VEGFA: variants seen among roughly 807,000 people sequenced by gnomAD.
The protein encoded by VEGFA is vascular endothelial growth factor A, long form.
A neutral mutation model predicts 49.7 loss-of-function variants in VEGFA; 20 were observed. The ratio of observed to expected loss-of-function variants is 0.40; its 90% CI spans 0.28 to 0.58. The LOEUF is 0.58. Ranked by LOEUF, VEGFA falls within the 20% of genes least tolerant of loss-of-function variation. The pLI is 0.40. For synonymous variants in VEGFA, 219 were observed against 223.4 expected, an observed-to-expected ratio of 0.98 and a Z score of 0.18; for missense variants, 505 against 553.5, an observed-to-expected ratio of 0.91 and a Z score of 0.88.
intron 5 of VEGFA, 120 bp from the exon 6 acceptor site, chr6:43,780,612 C>T (rs143187175): frequency 2.4e-5 from 35 of 1,457,016 alleles, no homozygotes; most frequent in Middle Eastern, 4.7e-4. Context: ...ACACTTCCTC[C>T]GGGAAGCGGC....
intron 5 of VEGFA, 68 bp downstream of exon 5, chr6:43,778,986 T>TCTTGGCTCTTGGCC: frequency 6.2e-7 from 1 of 1,604,198 alleles, no homozygotes; most frequent in Non-Finnish European, 8.5e-7. Flanking sequence ...GGCTCTTGGC[T>TCTTGGCTCTTGGCC]ACCTCTGTTG....
Position 43,780,558 on chromosome 6 carries a change from T to C in VEGFA, c.963-174T>C, listed in dbSNP as rs974378200. On this transcript the variant is annotated intron_variant, in intron 5 of 7. Transcript: ENST00000672860. Reference sequence around the variant, plus strand: ...CGAGTGCTTGCTGCCCAGACACGCCTGTGTGCGCCCGCGCATGCCTCCCCA... The same window carrying C: ...CGAGTGCTTGCTGCCCAGACACGCCCGTGTGCGCCCGCGCATGCCTCCCCA... 7 of 834,234 alleles carry C rather than the reference T, an allele frequency of 8.4e-6. No homozygotes were observed. In the East Asian group the frequency reaches 1.9e-4, roughly 22 times the overall value. The allele number at this position is 834,234 out of a possible 1,614,324, so 51.7% of individuals were successfully genotyped here. A position where few individuals can be genotyped will look rare whatever the true frequency, so the allele number is the denominator to read the frequency against.
intron 5 of VEGFA, chr6:43,779,516 G>A (rs1766630364): frequency 5.3e-6 from 2 of 375,650 alleles, no homozygotes; most frequent in African/African-American, 2.1e-5. Flanking sequence ...AAGGTCTGGC[G>A]GCAGTAACCC....
rs1341485473 is a variant in VEGFA, at chr6:43,778,936, T to C, written c.962+18T>C. ...CAAGAAAAGTAAGTGGCCCTGACTT[T>C]AGCACTTCTCCCTCTCCATGGCCGG... On this transcript the variant is annotated intron_variant, in intron 5 of 7. Transcript: ENST00000672860. 1.2e-6 allele frequency: 2 copies of C among 1,614,224 alleles called. No individual in the cohort carries two copies. Among genetic ancestry groups the C allele is most frequent in the South Asian group, 1.1e-5 (1 of 91,088 alleles).
rs114262569 is a variant in VEGFA, at chr6:43,778,466, C to T, written c.862C>T (p.Arg288Trp). 32 of 1,613,964 alleles carry T rather than the reference C, an allele frequency of 2.0e-5. No homozygotes were observed. Among genetic ancestry groups the T allele is most frequent in the African/African-American group, 5.3e-5 (4 of 75,034 alleles). ...CTGCTTCCTTCCTTTCCAGATTATG[C>T]GGATCAAACCTCACCAAGGCCAGCA... Residue 288 changes from arginine to tryptophan, a missense_variant, in exon 4 of 8, where the codon CGG becomes TGG. Transcript: ENST00000672860.
chr6:43,784,706 C>T lies in VEGFA; in HGVS notation c.*144C>T. The T allele has an allele frequency of 4.0e-6, 6 of 1,486,182 alleles. No individual in the cohort carries two copies. The highest frequency in any genetic ancestry group is 5.6e-6 in the Non-Finnish European group (6 of 1,066,862). 92.1% of individuals were successfully genotyped at this position (1,486,182 alleles called of 1,614,324 possible). Reference sequence around the variant, plus strand: ...GACAGAACAGTCCTTAATCCAGAAACCTGAAATGAAGGAAGAGGAGACTCT... The same window carrying T: ...GACAGAACAGTCCTTAATCCAGAAATCTGAAATGAAGGAAGAGGAGACTCT... On this transcript the variant is annotated 3_prime_UTR_variant, in exon 8 of 8. Coordinates refer to ENST00000672860, the MANE Select transcript of VEGFA (RefSeq NM_003376.6).
intron 5 of VEGFA, chr6:43,779,498 T>TG (rs1192300767): frequency 5.4e-6 from 2 of 371,068 alleles, no homozygotes; most frequent in African/African-American, 4.2e-5. Context: ...TAGGATGGGG[T>TG]GGGGGACAAG....
In VEGFA at chr6:43,784,553, G is replaced by A. The variant is rs778358844; in HGVS notation, c.1179G>A (p.Pro393=). 44 of 1,614,098 alleles carry A rather than the reference G, an allele frequency of 2.7e-5. No individual in the cohort carries two copies. The highest frequency in any genetic ancestry group is 8.8e-5 in the South Asian group (8 of 91,080). ...CCATTTCCCTCAGATGTGACAAGCCGAGGCGGTGAGCCGGGCAGGAGGAAG... is the reference window on the plus strand; with the variant it reads ...CCATTTCCCTCAGATGTGACAAGCCAAGGCGGTGAGCCGGGCAGGAGGAAG... The change falls in exon 8 of 8, where the codon CCG becomes CCA. Residue 393 remains proline, a synonymous_variant. Coordinates refer to ENST00000672860, the MANE Select transcript of VEGFA (RefSeq NM_003376.6).
At chr6:43,780,843 C>T in intron 6 of VEGFA, 40 bp downstream of exon 6, 1 of 1,613,732 alleles carries the variant, frequency 6.2e-7, no homozygotes, top group Non-Finnish European at 8.5e-7. Flanking sequence ...CCTGGAGCCT[C>T]CCTGGCCCCC....
At position 43,777,585 on chromosome 6, in the gene VEGFA, C is replaced by T. The variant is rs769625979; in HGVS notation, c.775C>T (p.Pro259Ser). The T allele has an allele frequency of 3.1e-6, 5 of 1,614,110 alleles. No homozygotes were observed. The highest frequency in any genetic ancestry group is 1.7e-5 in the Admixed American group (1 of 60,012). The change falls in exon 3 of 8, where the codon CCC becomes TCC. Residue 259 changes from proline to serine, a missense_variant. By Grantham distance (74) the Pro-to-Ser change is moderately conservative. Transcript: ENST00000672860. This position sits in a 1 kb window ranked among gnomAD's most constrained non-coding sequence, Gnocchi z 4.3. ...GTACATCTTCAAGCCATCCTGTGTGCCCCTGATGCGATGCGGGGGCTGCTG... is the reference window on the plus strand; with the variant it reads ...GTACATCTTCAAGCCATCCTGTGTGTCCCTGATGCGATGCGGGGGCTGCTG...
chr6:43,779,195 G>A (rs1766482024), intron 5 of VEGFA: 3 of 568,232 alleles, frequency 5.3e-6, no homozygotes, highest in East Asian at 6.0e-5. Context: ...TTGCTGTTTC[G>A]GTGTGTCAGG....
intron 2 of VEGFA, 155 bp downstream of exon 2, chr6:43,774,547 C>G: frequency 1.1e-6 from 1 of 904,746 alleles, no homozygotes; most frequent in Non-Finnish European, 1.8e-6. Flanking sequence ...CGAGGTTCAC[C>G]CTCAGTTTCG....
chr6:43,770,819 C>T lies in VEGFA; in HGVS notation c.113C>T (p.Pro38Leu). 1 of 1,513,446 alleles carries T rather than the reference C, an allele frequency of 6.6e-7. No individual in the cohort carries two copies. The allele number at this position is 1,513,446 out of a possible 1,614,324, so 93.8% of individuals were successfully genotyped here. Residue 38 changes from proline to leucine, a missense_variant, in exon 1 of 8, where the codon CCC (proline) becomes CTC (leucine). Physicochemically the swap from Pro to Leu is moderately conservative, Grantham distance 98. Coordinates refer to ENST00000672860, the MANE Select transcript of VEGFA (RefSeq NM_003376.6). ...CGCGGGCAGGGGCCGGAGCCCGCGC[C>T]CGGAGGCGGGGTGGAGGGGGTCGGG...
At chr6:43,780,694 C>T in intron 5 of VEGFA, 38 bp from the exon 6 acceptor site, 1 of 1,607,352 alleles carries the variant, frequency 6.2e-7, no homozygotes, top group Non-Finnish European at 8.5e-7. Context: ...CCCCCACCGC[C>T]CCCGCTCTCT....
intron 1 of VEGFA, chr6:43,772,017 G>T (rs1763769688): frequency 1.0e-6 from 1 of 985,244 alleles, no homozygotes; most frequent in Non-Finnish European, 1.2e-6. Flanking sequence ...TGTTCCCGGA[G>T]CCTCGGCTGC....
In VEGFA at chr6:43,780,743, G is replaced by C. The variant is rs1395807781; in HGVS notation, c.974G>C (p.Arg325Pro). The C allele has an allele frequency of 4.5e-5, 73 of 1,611,294 alleles. No homozygotes were observed. The highest frequency in any genetic ancestry group is 6.0e-5 in the Non-Finnish European group (71 of 1,179,532). ...TTTTTATTTTCCAGAAAATCAGTTC[G>C]AGGAAAGGGAAAGGGGCAAAAACGA... is the stretch of plus-strand genomic sequence containing the variant. Residue 325 changes from arginine (R) to proline (P), a missense_variant, in exon 6 of 8, where the codon CGA becomes CCA. Arg to Pro is a moderately radical substitution (Grantham distance 103). This residue lies in a region of VEGFA where 165 missense variants were observed against 231.7 expected (regional missense o/e 0.71). Transcript: ENST00000672860.
intron 6 of VEGFA, chr6:43,781,727 G>A (rs903097005): frequency 5.0e-5 from 26 of 524,024 alleles, no homozygotes; most frequent in Admixed American, 2.8e-4. Flanking sequence ...TGCACTCTCT[G>A]CCCGTCTGTG....
At position 43,770,809 on chromosome 6, in the gene VEGFA, G is replaced by T. The variant is rs1055085365; in HGVS notation, c.103G>T (p.Glu35Ter). 2.8e-5 allele frequency: 43 copies of T among 1,511,186 alleles called. No homozygotes were observed. The African/African-American group carries it at 3.1e-4, about 11-fold the overall frequency. 93.6% of individuals were successfully genotyped at this position (1,511,186 alleles called of 1,614,324 possible). A position where few individuals can be genotyped will look rare whatever the true frequency, so the allele number is the denominator to read the frequency against. Residue 35 changes from glutamate (E) to a stop codon, truncating the protein, a stop_gained, in exon 1 of 8, where the codon GAG (glutamate) becomes TAG (stop). Coordinates refer to ENST00000672860, the MANE Select transcript of VEGFA (RefSeq NM_003376.6). LOFTEE classifies it high-confidence loss of function. ...GGCGGCGAGCCGCGGGCAGGGGCCG[G>T]AGCCCGCGCCCGGAGGCGGGGTGGA...
At position 43,770,594 on chromosome 6, in the gene VEGFA, G is replaced by C; in HGVS notation, c.-113G>C. On this transcript the variant is annotated 5_prime_UTR_variant, in exon 1 of 8. Coordinates refer to ENST00000672860, the MANE Select transcript of VEGFA (RefSeq NM_003376.6). ...GAGACGGGGTCAGAGAGAGCGCGCG[G>C]GCGTGCGAGCAGCGAAAGCGACAGG... 1 of 1,421,070 alleles carries C rather than the reference G, an allele frequency of 7.0e-7. No homozygotes were observed. The highest frequency in any genetic ancestry group is 9.1e-7 in the Non-Finnish European group (1 of 1,093,256). The allele number at this position is 1,421,070 out of a possible 1,614,324, so 88.0% of individuals were successfully genotyped here. A position where few individuals can be genotyped will look rare whatever the true frequency, so the allele number is the denominator to read the frequency against.
Sources: gnomAD v4.1 joint callset for allele counts on GRCh38, gnomAD v4.1.1 for gene constraint, gnomAD v4.1.1 regional missense constraint, Gnocchi (gnomAD v3.1) non-coding constraint, MANE v1.5 for transcripts, NCBI Gene and HGNC (gene_info 2026-07-23, HGNC 2026-07-21) for gene names.